The following PCDHGA1 variants were observed in gnomAD, a reference collection of about 807,000 sequenced individuals.
The protein encoded by PCDHGA1 is protocadherin gamma-A1.
A neutral mutation model predicts 58.0 loss-of-function variants in PCDHGA1; 32 were observed. That is an observed-to-expected ratio of 0.55 (90% CI 0.42 to 0.74). The LOEUF is 0.74. Among genes scored for constraint, PCDHGA1 ranks in the 30% least tolerant of loss-of-function variants. The probability of loss-of-function intolerance (pLI) is 0.00; values close to 1 mark genes in which losing one functional copy is unlikely to be tolerated. For synonymous variants in PCDHGA1, 498 were observed against 501.1 expected, an observed-to-expected ratio of 0.99 and a Z score of 0.08; for missense variants, 1,205 against 1,182.3, an observed-to-expected ratio of 1.02 and a Z score of -0.28.
chr5:141,355,915 G>A (rs1239960767), intron 1 of PCDHGA1: 5 of 1,613,748 alleles, frequency 3.1e-6, no homozygotes, highest in Non-Finnish European at 4.2e-6. Context: ...CAACGATAAT[G>A]CTCCCGTGTT....
At chr5:141,344,915 TAACTC>T (rs1196577099) in intron 1 of PCDHGA1, 6 of 1,613,928 alleles carry the variant, frequency 3.7e-6, no homozygotes, top group Non-Finnish European at 3.4e-6. Context: ...TTTTCCATCT[TAACTC>T]AGTGAGTGGA....
chr5:141,417,940 C>T (rs757819377), intron 1 of PCDHGA1: 2 of 1,613,054 alleles, frequency 1.2e-6, no homozygotes, highest in South Asian at 1.1e-5. Context: ...TGTTCTACCC[C>T]ACGCTGTGTG....
chr5:141,413,483 G>A (rs2095646690), intron 1 of PCDHGA1: 1 of 1,614,080 alleles, frequency 6.2e-7, no homozygotes, highest in East Asian at 2.2e-5. Flanking sequence ...TGCGCTCAGA[G>A]CGCGCGGTGC....
intron 1 of PCDHGA1, chr5:141,362,235 A>C: frequency 6.2e-7 from 1 of 1,613,852 alleles, no homozygotes; most frequent in East Asian, 2.2e-5. Context: ...CCTTGATCTC[A>C]GTGCTCTTCT....
At position 141,356,033 on chromosome 5, in the gene PCDHGA1, C is replaced by T. The variant is rs766818568; in HGVS notation, c.2421+22928C>T. On this transcript the variant is annotated intron_variant, in intron 1 of 3. Coordinates refer to ENST00000517417, the MANE Select transcript of PCDHGA1 (RefSeq NM_018912.3). Reference sequence around the variant, plus strand: ...GATGAAGGAGCCAATGGAGACGTGACGTATTCTTTCCGGAAAGTAAGAGAC... The same window carrying T: ...GATGAAGGAGCCAATGGAGACGTGATGTATTCTTTCCGGAAAGTAAGAGAC... 6.2e-6 allele frequency: 10 copies of T among 1,613,946 alleles called. No homozygotes were observed. The Middle Eastern group carries it at 4.9e-4, about 80-fold the overall frequency.
At chr5:141,421,513 C>T (rs368199651) in intron 1 of PCDHGA1, 14 of 1,613,960 alleles carry the variant, frequency 8.7e-6, no homozygotes, top group Non-Finnish European at 1.1e-5. Context: ...CCGGGAGGAG[C>T]TCTGTGAGAC....
chr5:141,365,193 T>A, intron 1 of PCDHGA1: 2 of 1,613,762 alleles, frequency 1.2e-6, no homozygotes, highest in Non-Finnish European at 1.7e-6. Flanking sequence ...GAAGAAAAAA[T>A]TTCGGAGACT....
At chr5:141,500,840 C>T (rs1394248251) in intron 2 of PCDHGA1, among the ~76,000 whole-genome samples, 1 of 151,966 alleles carries the variant, frequency 6.6e-6, no homozygotes, top group Non-Finnish European at 1.5e-5. Flanking sequence ...TGCTAATGGG[C>T]TTTTGCTACA....
Position 141,398,862 on chromosome 5 carries a change from C to G in PCDHGA1, c.2421+65757C>G, listed in dbSNP as rs771326288. On this transcript the variant is annotated intron_variant, in intron 1 of 3. Transcript: ENST00000517417. ...ATAATCCCCCGGTATTCAACCGAGA[C>G]GTGTACAGAGTCAGCCTTCGGGAAA... 4 of 1,613,848 alleles carry G rather than the reference C, an allele frequency of 2.5e-6. No individual in the cohort carries two copies. The African/African-American group carries it at 5.3e-5, about 22-fold the overall frequency.
At chr5:141,474,461 CTT>C (rs1264129273) in intron 1 of PCDHGA1, among the ~76,000 whole-genome samples, 1 of 152,214 alleles carries the variant, frequency 6.6e-6, no homozygotes, top group East Asian at 1.9e-4. Context: ...GGGCTATACT[CTT>C]TATTCTAAAT....
chr5:141,346,269 G>A (rs1757725605), intron 1 of PCDHGA1: 2 of 1,614,208 alleles, frequency 1.2e-6, no homozygotes, highest in Non-Finnish European at 1.7e-6. Context: ...CGCGGACGGG[G>A]TTCGGGCTTT....
intron 1 of PCDHGA1, chr5:141,355,186 C>T (rs1308919687): frequency 6.3e-7 from 1 of 1,588,558 alleles, no homozygotes; most frequent in East Asian, 2.2e-5. Context: ...CAGGCGACTC[C>T]GCGGCGGGGT....
At chr5:141,427,826 G>A (rs550161736) in intron 1 of PCDHGA1, 2 of 1,536,500 alleles carry the variant, frequency 1.3e-6, no homozygotes, top group Admixed American at 3.3e-5. Flanking sequence ...TGGTGGTCGC[G>A]CAGCGTGCCT....
chr5:141,350,915 C>T (rs775693416), intron 1 of PCDHGA1: 3 of 1,614,100 alleles, frequency 1.9e-6, no homozygotes, highest in East Asian at 2.2e-5. Flanking sequence ...GGACCCGCCT[C>T]TAAGCGGCAC....
chr5:141,451,001 A>G (rs909477017), intron 1 of PCDHGA1, among the ~76,000 whole-genome samples: 1 of 148,266 alleles, frequency 6.7e-6, no homozygotes, highest in African/African-American at 2.5e-5. Context: ...ATTTTTTTGT[A>G]TTTTTTTTAG....
At position 141,389,010 on chromosome 5, in the gene PCDHGA1, C is replaced by G. The variant is rs141101630; in HGVS notation, c.2421+55905C>G. ...CAAAGTCCGTGACAAGGATTCCAGA[C>G]ACAATGGAGAAGTGACTTGTAAATT... On this transcript the variant is annotated intron_variant, in intron 1 of 3. Transcript: ENST00000517417. 227 of 1,613,980 alleles carry G rather than the reference C, an allele frequency of 1.4e-4. 1 individual carries two copies. In the African/African-American group the frequency reaches 2.6e-3, roughly 18 times the overall value.
intron 1 of PCDHGA1, among the ~76,000 whole-genome samples, chr5:141,349,639 G>C (rs1047653620): frequency 6.6e-6 from 1 of 151,988 alleles, no homozygotes; most frequent in Non-Finnish European, 1.5e-5. Flanking sequence ...TATATGGAGA[G>C]ATTTAAAATA....
intron 1 of PCDHGA1, among the ~76,000 whole-genome samples, chr5:141,429,416 T>A (rs527999196): frequency 6.6e-6 from 1 of 152,230 alleles, no homozygotes; most frequent in Admixed American, 6.5e-5. Flanking sequence ...GGTCTCATTA[T>A]GTTGCCCAGG....
chr5:141,361,195 A>T (rs369211493), intron 1 of PCDHGA1: 1 of 1,613,574 alleles, frequency 6.2e-7, no homozygotes, highest in Non-Finnish European at 8.5e-7. Context: ...TTCAGTATCT[A>T]CTCCCCTACC....
Sources: allele counts gnomAD v4.1 joint callset (sites outside exome capture counted in the v4.1 genomes callset), GRCh38; gene constraint gnomAD v4.1.1; transcripts MANE v1.5; gene names NCBI Gene and HGNC (gene_info 2026-07-23, HGNC 2026-07-21).